ABTB3: variants seen among roughly 807,000 people sequenced by gnomAD.
The protein encoded by ABTB3 is ankyrin repeat and BTB domain containing 3, also known as ankyrin repeat- and BTB/POZ domain-containing protein 3.
chr12:107,463,709 C>G, the ABTB3 span, among the ~76,000 whole-genome samples: 1 of 152,188 alleles, frequency 6.6e-6, no homozygotes, highest in Non-Finnish European at 1.5e-5. Flanking sequence ...TCCATCGCAC[C>G]AGGCATGTGC....
chr12:107,654,634 C>G, the ABTB3 span, among the ~76,000 whole-genome samples: 2 of 152,120 alleles, frequency 1.3e-5, no homozygotes, highest in Non-Finnish European at 2.9e-5. Context: ...GGGGTATATT[C>G]CCAGAAGTGT....
chr12:107,417,178 T>C, the ABTB3 span, among the ~76,000 whole-genome samples: 1 of 152,204 alleles, frequency 6.6e-6, no homozygotes, highest in African/African-American at 2.4e-5. Context: ...GTAGGTACAC[T>C]CATTGATTGG....
At chr12:107,353,032 C>G in the ABTB3 span, among the ~76,000 whole-genome samples, 12,743 of 152,244 alleles carry the variant, frequency 0.084, 742 homozygotes, top group African/African-American at 0.15. Flanking sequence ...CTCTCCAACT[C>G]TGGCTCAGAC....
the ABTB3 span, among the ~76,000 whole-genome samples, chr12:107,379,139 A>G: frequency 3.5e-4 from 53 of 152,306 alleles, no homozygotes; most frequent in Non-Finnish European, 6.9e-4. Context: ...GTAAACTCCC[A>G]TAGGGTTGGT....
the ABTB3 span, among the ~76,000 whole-genome samples, chr12:107,371,656 C>A: frequency 3.3e-5 from 5 of 152,160 alleles, no homozygotes; most frequent in Non-Finnish European, 5.9e-5. Context: ...GTTTTTTACT[C>A]CTCCTCCATT....
the ABTB3 span, among the ~76,000 whole-genome samples, chr12:107,359,583 C>T: frequency 6.6e-6 from 1 of 152,062 alleles, no homozygotes; most frequent in South Asian, 2.1e-4. Context: ...TGCAGCCTGT[C>T]ACCAGGCAGC....
At chr12:107,571,893 T>C in the ABTB3 span, among the ~76,000 whole-genome samples, 1 of 152,332 alleles carries the variant, frequency 6.6e-6, no homozygotes, top group African/African-American at 2.4e-5. Flanking sequence ...AGTTCAGAGC[T>C]GGCACTCTCT....
At chr12:107,615,140 A>G in the ABTB3 span, 3 of 1,613,326 alleles carry the variant, frequency 1.9e-6, no homozygotes, top group East Asian at 2.2e-5. Context: ...GCTGTGTTGC[A>G]TGGACATATT....
the ABTB3 span, among the ~76,000 whole-genome samples, chr12:107,409,027 A>C: frequency 6.6e-6 from 1 of 152,216 alleles, no homozygotes; most frequent in African/African-American, 2.4e-5. Flanking sequence ...TTCCCCCAGA[A>C]AGGGACTTCT....
At chr12:107,645,498 C>T in the ABTB3 span, among the ~76,000 whole-genome samples, 5 of 148,630 alleles carry the variant, frequency 3.4e-5, no homozygotes, top group South Asian at 6.6e-4. Context: ...CTGGCTGACT[C>T]CCAGACCTGT....
At chr12:107,410,165 C>G in the ABTB3 span, among the ~76,000 whole-genome samples, 2 of 150,914 alleles carry the variant, frequency 1.3e-5, no homozygotes, top group Non-Finnish European at 2.9e-5. Context: ...CCACTCAGGG[C>G]ACCTCCAGAC....
At chr12:107,631,438 A>T in the ABTB3 span, among the ~76,000 whole-genome samples, 1 of 152,284 alleles carries the variant, frequency 6.6e-6, no homozygotes, top group South Asian at 2.1e-4. Context: ...TCTTTTGGGT[A>T]GAGTGATTTC....
chr12:107,446,078 TG>T, the ABTB3 span, among the ~76,000 whole-genome samples: 2 of 152,174 alleles, frequency 1.3e-5, no homozygotes, highest in Non-Finnish European at 2.9e-5. Context: ...TCACAGGCTC[TG>T]GGAATTCGAG....
the ABTB3 span, among the ~76,000 whole-genome samples, chr12:107,395,817 G>T: frequency 2.0e-5 from 3 of 152,158 alleles, no homozygotes; most frequent in Non-Finnish European, 4.4e-5. Context: ...TGCACAGGAG[G>T]GAGCCAAGGC....
chr12:107,568,386 A>G, the ABTB3 span, among the ~76,000 whole-genome samples: 9 of 152,308 alleles, frequency 5.9e-5, no homozygotes, highest in Admixed American at 2.0e-4. Flanking sequence ...AAAGTCAAAA[A>G]TCCAGGTTGC....
At chr12:107,482,987 TCCTTCCTTC>T in the ABTB3 span, among the ~76,000 whole-genome samples, 1 of 14,730 alleles carries the variant, frequency 6.8e-5, no homozygotes, top group African/African-American at 1.6e-4. Context: ...TTTCTTTCTT[TCCTTCCTTC>T]CTTCCTTCCT....
the ABTB3 span, chr12:107,520,633 T>C: frequency 3.1e-6 from 5 of 1,614,094 alleles, no homozygotes; most frequent in East Asian, 2.2e-5. Flanking sequence ...CATCGCCGAA[T>C]TGAGTAAGTA....
the ABTB3 span, among the ~76,000 whole-genome samples, chr12:107,601,036 C>G: frequency 1.3e-5 from 2 of 152,214 alleles, no homozygotes; most frequent in Non-Finnish European, 2.9e-5. Flanking sequence ...AAAATCATAG[C>G]AATGAATTAC....
the ABTB3 span, chr12:107,617,175 T>G: frequency 4.0e-3 from 6,480 of 1,614,140 alleles, 13 homozygotes; most frequent in Non-Finnish European, 4.8e-3. Flanking sequence ...AGCTGGCAGC[T>G]GCTGTAGGTA....
Sources: allele counts gnomAD v4.1 joint callset (sites outside exome capture counted in the v4.1 genomes callset), GRCh38; gene constraint gnomAD v4.1.1; transcripts MANE v1.5; gene names NCBI Gene and HGNC (gene_info 2026-07-23, HGNC 2026-07-21).